Variants in ADRA1B observed in about 807,000 individuals in gnomAD.
ADRA1B encodes the protein alpha-1B adrenergic receptor.
ADRA1B carries 17 observed loss-of-function variants against 17.9 expected under a neutral mutation model. The ratio of observed to expected loss-of-function variants is 0.95; its 90% CI spans 0.65 to 1.42. ADRA1B has a LOEUF of 1.42. Ranked by LOEUF, ADRA1B falls within the 40% of genes most tolerant of loss-of-function variation. The pLI is 0.00. For synonymous variants in ADRA1B, 366 were observed against 327.6 expected (o/e 1.12, Z -1.27); for missense variants, 681 against 722.1 (o/e 0.94, Z 0.65).
chr5:159,929,902 A>G (rs1250345669), intron 1 of ADRA1B, among the ~76,000 whole-genome samples: 1 of 152,214 alleles, frequency 6.6e-6, no homozygotes, highest in East Asian at 1.9e-4. Flanking sequence ...CCACATGCGT[A>G]TATGTATGTT....
At chr5:159,957,875 G>A (rs2113275151) in intron 1 of ADRA1B, among the ~76,000 whole-genome samples, 1 of 132,166 alleles carries the variant, frequency 7.6e-6, no homozygotes, top group Non-Finnish European at 1.5e-5. Flanking sequence ...GTTGCAGTGA[G>A]CCAAGATCAC....
intron 1 of ADRA1B, among the ~76,000 whole-genome samples, chr5:159,956,413 G>C (rs974386988): frequency 1.3e-5 from 2 of 152,060 alleles, no homozygotes; most frequent in African/African-American, 2.4e-5. Flanking sequence ...CACACACACA[G>C]AGGTTTTTTT....
At position 159,917,121 on chromosome 5, in the gene ADRA1B, C is replaced by T. The variant is rs540291959; in HGVS notation, c.216C>T (p.Cys72=). The change falls in exon 1 of 2, where the codon TGC becomes TGT. Residue 72 remains cysteine, a synonymous_variant. Coordinates refer to ENST00000306675, the MANE Select transcript of ADRA1B (RefSeq NM_000679.4). ...TCCTAGTCATCTTGTCTGTGGCCTG[C>T]AACCGGCACCTGCGGACGCCCACCA... ...GNILVILSVA[C]NRHLRTPTNY... 5.0e-6 allele frequency: 8 copies of T among 1,614,122 alleles called. No individual in the cohort carries two copies. In the Admixed American group the frequency reaches 1.0e-4, roughly 20 times the overall value.
chr5:159,928,593 C>T (rs192999419), intron 1 of ADRA1B, among the ~76,000 whole-genome samples: 19 of 152,278 alleles, frequency 1.2e-4, no homozygotes, highest in East Asian at 3.9e-4. Flanking sequence ...TCTTGCTCCC[C>T]GCTAAGCTTT....
At chr5:159,870,749 T>A (rs1753728268) in intron 1 of ADRA1B, 1 of 152,184 alleles carries the variant, frequency 6.6e-6, no homozygotes, top group East Asian at 1.9e-4. Flanking sequence ...AGCATTTGTG[T>A]TCTAAAATCA....
At chr5:159,918,286 C>T (rs12652192) in intron 1 of ADRA1B, among the ~76,000 whole-genome samples, 4,327 of 152,264 alleles carry the variant, frequency 0.028, 195 homozygotes, top group East Asian at 0.2. Context: ...GGAGGCAGCT[C>T]GTACACAGAA....
Position 159,963,288 on chromosome 5 carries a change from G to GTATATATATATATATATGTATATATATA in ADRA1B, c.950-8574_950-8573insGTATATATATATATATATATATATATAT, listed in dbSNP as rs1755711431. Among the ~76,000 whole-genome samples the GTATATATATATATATATGTATATATATA allele has an allele frequency of 6.0e-5, 8 of 132,732 alleles. No homozygotes were observed. In the East Asian group the frequency reaches 1.3e-3, roughly 22 times the overall value. 87.1% of individuals were successfully genotyped at this position (132,732 alleles called of 152,430 possible). A position where few individuals can be genotyped will look rare whatever the true frequency, so the allele number is the denominator to read the frequency against. ...ACTTGACAGTGAATAAACAAAAAAA[G>GTATATATATATATATATGTATATATATA]TATATATATATATATATATATCCAC... On this transcript the variant is annotated intron_variant, in intron 1 of 1. Transcript: ENST00000306675.
intron 1 of ADRA1B, among the ~76,000 whole-genome samples, chr5:159,927,590 T>G (rs1754695187): frequency 6.6e-6 from 1 of 152,172 alleles, no homozygotes; most frequent in Non-Finnish European, 1.5e-5. Flanking sequence ...ATATCACTGT[T>G]TTCTAATAGG....
At chr5:159,978,030 A>C in the ADRA1B span, among the ~76,000 whole-genome samples, 1 of 149,768 alleles carries the variant, frequency 6.7e-6, no homozygotes, top group African/African-American at 2.5e-5. Context: ...ACTGTCCAGC[A>C]CTCCCTATTG....
At chr5:159,907,477 C>T (rs190368975) in intron 1 of ADRA1B, among the ~76,000 whole-genome samples, 1 of 150,342 alleles carries the variant, frequency 6.7e-6, no homozygotes, top group African/African-American at 2.4e-5. Flanking sequence ...TTTTACCAGC[C>T]GCTGTTTGTT....
At chr5:159,866,467 A>G (rs1019058365) in intron 1 of ADRA1B, among the ~76,000 whole-genome samples, 1 of 151,692 alleles carries the variant, frequency 6.6e-6, no homozygotes, top group Non-Finnish European at 1.5e-5. Context: ...CATGCCTGTA[A>G]TCCTAGCTAC....
chr5:159,873,168 T>C (rs1249120625), intron 1 of ADRA1B, among the ~76,000 whole-genome samples: 1 of 152,226 alleles, frequency 6.6e-6, no homozygotes, highest in Non-Finnish European at 1.5e-5. Context: ...CTTTATCCAG[T>C]CTATCATTGA....
Position 159,972,527 on chromosome 5 carries a change from A to ATTCAGATTCTGCTAAGGGTC in ADRA1B, c.*35_*36insTTCAGATTCTGCTAAGGGTC. The ATTCAGATTCTGCTAAGGGTC allele has an allele frequency of 1.2e-6, 1 of 850,802 alleles. No homozygotes were observed. Among genetic ancestry groups the ATTCAGATTCTGCTAAGGGTC allele is most frequent in the South Asian group, 2.9e-5 (1 of 34,916 alleles). 52.7% of individuals were successfully genotyped at this position (850,802 alleles called of 1,614,324 possible). ...GCGCAGCTTTCTTTCCCTGGGGAGG[A>ATTCAGATTCTGCTAAGGGTC]AAACATCGTGGGGGGGAGGGGAGGG... On this transcript the variant is annotated 3_prime_UTR_variant, in exon 2 of 2. Coordinates refer to ENST00000306675, the MANE Select transcript of ADRA1B (RefSeq NM_000679.4).
At chr5:159,962,262 G>C (rs935524949) in intron 1 of ADRA1B, among the ~76,000 whole-genome samples, 3 of 152,130 alleles carry the variant, frequency 2.0e-5, no homozygotes, top group Admixed American at 1.3e-4. Flanking sequence ...TAAGGAGATA[G>C]GGACAGGGGA....
Position 159,939,278 on chromosome 5 carries a change from AGTGTGTGTGTGTGT to A in ADRA1B, c.949+21456_949+21469del, listed in dbSNP as rs70987981. Reference sequence around the variant, plus strand: ...GAGAGAGAGAGAGAGAGAGAGAGAGAGTGTGTGTGTGTGTGTGTGTGTGTGTGTGTGTGTGTGTG... The same window carrying A: ...GAGAGAGAGAGAGAGAGAGAGAGAGAGTGTGTGTGTGTGTGTGTGTGTGTG... On this transcript the variant is annotated intron_variant, in intron 1 of 1. Coordinates refer to ENST00000306675, the MANE Select transcript of ADRA1B (RefSeq NM_000679.4). Among the ~76,000 whole-genome samples the A allele has an allele frequency of 3.1e-3, 309 of 98,364 alleles. 1 individual carries two copies. The highest frequency in any genetic ancestry group is 6.6e-3 in the African/African-American group (173 of 26,154). The allele number at this position is 98,364 out of a possible 152,430, so 64.5% of individuals were successfully genotyped here.
chr5:159,978,275 C>A, the ADRA1B span, among the ~76,000 whole-genome samples: 1 of 152,084 alleles, frequency 6.6e-6, no homozygotes, highest in Admixed American at 6.6e-5. Flanking sequence ...TGTGTACTAC[C>A]CTGCCATGAC....
chr5:159,972,512 C>T lies in ADRA1B; in HGVS notation c.*20C>T. 9.7e-7 allele frequency: 1 copy of T among 1,032,658 alleles called. No individual in the cohort carries two copies. The highest frequency in any genetic ancestry group is 1.2e-6 in the Non-Finnish European group (1 of 862,132). 64.0% of individuals were successfully genotyped at this position (1,032,658 alleles called of 1,614,324 possible). ...TTTTAGGGCCCCCGTGCGCAGCTTT[C>T]TTTCCCTGGGGAGGAAAACATCGTG... On this transcript the variant is annotated 3_prime_UTR_variant, in exon 2 of 2. Transcript: ENST00000306675.
At chr5:159,986,096 A>G in the ADRA1B span, among the ~76,000 whole-genome samples, 1 of 152,188 alleles carries the variant, frequency 6.6e-6, no homozygotes, top group East Asian at 1.9e-4. Context: ...TTCACAGGTG[A>G]GGACTAATAG....
intron 1 of ADRA1B, among the ~76,000 whole-genome samples, chr5:159,886,614 C>G (rs901268190): frequency 1.1e-4 from 17 of 152,158 alleles, no homozygotes; most frequent in Non-Finnish European, 2.2e-4. Flanking sequence ...TCACAGGGGG[C>G]TCTGCCATAG....
Sources: gnomAD v4.1 joint callset for allele counts (sites outside exome capture counted in the v4.1 genomes callset) on GRCh38, gnomAD v4.1.1 for gene constraint, MANE v1.5 for transcripts, NCBI Gene and HGNC (gene_info 2026-07-23, HGNC 2026-07-21) for gene names.